The following NGLY1 variants were observed in gnomAD, a reference collection of about 807,000 sequenced individuals.
NGLY1 encodes the protein N-glycanase 1.
Under a neutral mutation model 84.6 loss-of-function variants are expected in NGLY1, and 68 were observed. The observed-to-expected ratio is 0.80, with a 90% CI of 0.66 to 0.98. NGLY1 has a LOEUF of 0.98. NGLY1 is among the 50% of genes least tolerant of loss of function. NGLY1 has a pLI of 0.00. For missense variants in NGLY1, 779 were observed against 770.2 expected, an observed-to-expected ratio of 1.01 and a Z score of -0.14; for synonymous variants, 280 against 275.2, an observed-to-expected ratio of 1.02 and a Z score of -0.17.
intron 2 of NGLY1, among the ~76,000 whole-genome samples, chr3:25,774,078 T>C (rs1156438642): frequency 4.6e-5 from 7 of 152,152 alleles, no homozygotes; most frequent in Non-Finnish European, 8.8e-5. Context: ...AGTGTGTTGG[T>C]TTTCTCGAAT....
rs375469580 is a variant in NGLY1 at position 25,751,191 on chromosome 3, C to G, written c.565G>C (p.Ala189Pro). ...CAAGCCAACGCTTTCTCCTGAAGAG[C>G]AGGATTTTCATAGACCAGCACATGC... Reference protein sequence around the residue: ...IQHVLVYENPALQEKALACIP... With the variant: ...IQHVLVYENPPLQEKALACIP... Residue 189 changes from alanine (A) to proline (P), a missense_variant, in exon 4 of 12, where the codon GCT becomes CCT. Coordinates refer to ENST00000280700, the MANE Select transcript of NGLY1 (RefSeq NM_018297.4). The G allele has an allele frequency of 4.3e-6, 7 of 1,613,232 alleles. No homozygotes were observed. The highest frequency in any genetic ancestry group is 2.7e-5 in the African/African-American group (2 of 74,812).
At chr3:25,778,546 G>A in intron 2 of NGLY1, 28 bp downstream of exon 2, 2 of 1,291,562 alleles carry the variant, frequency 1.5e-6, no homozygotes, top group South Asian at 1.3e-5. Context: ...GCATGAAGAG[G>A]GGAGAGGAAA....
rs1406111990 is a variant in NGLY1, at chr3:25,719,891, T to TC, written c.1789+122_1789+123insG. On this transcript the variant is annotated intron_variant, in intron 11 of 11. Coordinates refer to ENST00000280700, the MANE Select transcript of NGLY1 (RefSeq NM_018297.4). ...ACACAGGGTTTATTAAATTTTTTTT[T>TC]TTTTACTGAAATAGTATTAATAACT... The TC allele has an allele frequency of 7.8e-6, 7 of 896,724 alleles. No individual in the cohort carries two copies. The Middle Eastern group carries it at 1.1e-3, about 137-fold the overall frequency. The allele number at this position is 896,724 out of a possible 1,614,324, so 55.5% of individuals were successfully genotyped here. A position where few individuals can be genotyped will look rare whatever the true frequency, so the allele number is the denominator to read the frequency against.
intron 1 of NGLY1, among the ~76,000 whole-genome samples, chr3:25,789,395 A>G (rs927642600): frequency 6.6e-6 from 1 of 152,220 alleles, no homozygotes; most frequent in African/African-American, 2.4e-5. Flanking sequence ...TAAAAACTTT[A>G]TTACAAAAAC....
intron 3 of NGLY1, among the ~76,000 whole-genome samples, chr3:25,762,702 A>G (rs1035600092): frequency 6.6e-6 from 1 of 152,184 alleles, no homozygotes; most frequent in Non-Finnish European, 1.5e-5. Flanking sequence ...TCTGTAATCC[A>G]GCACTTTGGG....
intron 2 of NGLY1, among the ~76,000 whole-genome samples, chr3:25,766,506 A>G (rs963178972): frequency 1.3e-5 from 2 of 152,224 alleles, no homozygotes; most frequent in Admixed American, 1.3e-4. Flanking sequence ...ACAGAGACTG[A>G]AACCCATGAG....
At chr3:25,741,223 G>A (rs1365516146) in intron 4 of NGLY1, among the ~76,000 whole-genome samples, 9 of 149,886 alleles carry the variant, frequency 6.0e-5, no homozygotes, top group Non-Finnish European at 1.3e-4. Context: ...CTTTGAGCAA[G>A]AATCATAAGG....
At chr3:25,741,349 C>A (rs538457553) in intron 4 of NGLY1, among the ~76,000 whole-genome samples, 1 of 152,040 alleles carries the variant, frequency 6.6e-6, no homozygotes, top group South Asian at 2.1e-4. Context: ...AGACAGATTT[C>A]TAAGCAAATG....
At chr3:25,755,623 A>T in intron 3 of NGLY1, 6 of 1,495,194 alleles carry the variant, frequency 4.0e-6, no homozygotes, top group Non-Finnish European at 5.6e-6. Context: ...ACAGCCAATG[A>T]AGCAAACCCA....
chr3:25,754,926 T>C (rs1371554420), intron 3 of NGLY1: 3 of 710,998 alleles, frequency 4.2e-6, no homozygotes, highest in African/African-American at 3.5e-5. Flanking sequence ...CTGGATAACA[T>C]GGAATTGGGC....
At chr3:25,725,460 C>G (rs1705204246) in intron 10 of NGLY1, among the ~76,000 whole-genome samples, 1 of 152,150 alleles carries the variant, frequency 6.6e-6, no homozygotes, top group African/African-American at 2.4e-5. Flanking sequence ...TTAACTGACT[C>G]CAAGGAGAGA....
At chr3:25,786,324 A>C (rs1708600719), upstream of NGLY1, among the ~76,000 whole-genome samples, 1 of 148,606 alleles carries the variant, frequency 6.7e-6, no homozygotes, top group East Asian at 1.9e-4. Context: ...CTCTACCTCA[A>C]AAAAAAAAAA....
chr3:25,742,884 CAAAAAAAAAAAAAAA>C (rs34669504), intron 4 of NGLY1, among the ~76,000 whole-genome samples: 2 of 63,316 alleles, frequency 3.2e-5, no homozygotes, highest in South Asian at 1.7e-3. Context: ...CCTTATGTGG[CAAAAAAAAAAAAAAA>C]AAAAAAAAAA....
intron 9 of NGLY1, among the ~76,000 whole-genome samples, chr3:25,731,255 C>T (rs6795021): frequency 1.3e-5 from 2 of 151,912 alleles, no homozygotes; most frequent in South Asian, 2.1e-4. Flanking sequence ...AGAGGAAAAA[C>T]GTAAAACAGC....
At chr3:25,780,964 T>G (rs1553665367) in intron 1 of NGLY1, among the ~76,000 whole-genome samples, 1 of 152,172 alleles carries the variant, frequency 6.6e-6, no homozygotes, top group Non-Finnish European at 1.5e-5. Context: ...CCTCTTTAGT[T>G]TCTAGTGAGC....
rs181506445 is a variant in NGLY1, at chr3:25,770,754, G to A, written c.247-6443C>T. ...TGATTCTTTAATTATGGCCATTCTT[G>A]CAGCAGTAAGGTGTTGTCACACTGT... is the stretch of plus-strand genomic sequence containing the variant. On this transcript the variant is annotated intron_variant, in intron 2 of 11. Coordinates refer to ENST00000280700, the MANE Select transcript of NGLY1 (RefSeq NM_018297.4). 4.3e-4 allele frequency among the ~76,000 whole-genome samples: 66 copies of A among 152,208 alleles called. No homozygotes were observed. The East Asian group carries it at 0.012, about 29-fold the overall frequency.
chr3:25,724,859 A>G (rs1575608294), intron 10 of NGLY1, among the ~76,000 whole-genome samples: 4 of 152,290 alleles, frequency 2.6e-5, no homozygotes, highest in Non-Finnish European at 1.5e-5. Flanking sequence ...ACTCAGTGTG[A>G]TATTATGATA....
intron 5 of NGLY1, 83 bp downstream of exon 5, chr3:25,739,494 T>C (rs1706015770): frequency 7.8e-7 from 1 of 1,289,058 alleles, no homozygotes; most frequent in South Asian, 1.4e-5. Context: ...GATAATTAAA[T>C]ATTAAAAAGT....
chr3:25,783,382 C>G lies in NGLY1; in HGVS notation c.9G>C (p.Ala3=). 1 of 1,539,458 alleles carries G rather than the reference C, an allele frequency of 6.5e-7. No individual in the cohort carries two copies. The highest frequency in any genetic ancestry group is 8.7e-7 in the Non-Finnish European group (1 of 1,143,720). ...AGCCTGAGGAGCTGCCCAATGCCGC[C>G]GCCGCCATGCTTGAGCGCCAGCGGG... MA[A]AALGSSSGSA... Residue 3 remains alanine, a synonymous_variant, in exon 1 of 12, where the codon GCG becomes GCC. Transcript: ENST00000280700. This position sits in a 1 kb window ranked among gnomAD's most constrained non-coding sequence, Gnocchi z 4.5.
Sources: allele counts gnomAD v4.1 joint callset (sites outside exome capture counted in the v4.1 genomes callset), GRCh38; gene constraint gnomAD v4.1.1; non-coding constraint Gnocchi (gnomAD v3.1); transcripts MANE v1.5; gene names NCBI Gene and HGNC (gene_info 2026-07-23, HGNC 2026-07-21).